The following BRINP3 variants were observed in gnomAD, a reference collection of about 807,000 sequenced individuals.
The protein encoded by BRINP3 is BMP/retinoic acid inducible neural specific 3, also known as BMP/retinoic acid-inducible neural-specific protein 3.
A neutral mutation model predicts 71.0 loss-of-function variants in BRINP3; 19 were observed. The ratio of observed to expected loss-of-function variants is 0.27; its 90% CI spans 0.19 to 0.39. The LOEUF (loss-of-function observed/expected upper bound fraction) is 0.39, where lower values mean the gene tolerates loss of function less well. Ranked by LOEUF, BRINP3 falls within the 10% of genes least tolerant of loss-of-function variation. The probability of loss-of-function intolerance (pLI) is 1.00; values close to 1 mark genes in which losing one functional copy is unlikely to be tolerated. For missense variants in BRINP3, 959 were observed against 940.8 expected (o/e 1.02, Z -0.25); for synonymous variants, 380 against 337.7 (o/e 1.13, Z -1.37).
chr1:190,440,711 GT>G (rs1460455772), intron 2 of BRINP3, among the ~76,000 whole-genome samples: 4 of 151,958 alleles, frequency 2.6e-5, no homozygotes, highest in Non-Finnish European at 5.9e-5. Flanking sequence ...ATCCAACTAT[GT>G]GTTGTCTTCG....
At chr1:190,233,363 T>C (rs1257836713) in intron 5 of BRINP3, among the ~76,000 whole-genome samples, 1 of 151,954 alleles carries the variant, frequency 6.6e-6, no homozygotes, top group Admixed American at 6.6e-5. Context: ...CAGATAATAT[T>C]GTTTTTTAGG....
intron 2 of BRINP3, among the ~76,000 whole-genome samples, chr1:190,380,971 T>C (rs1235284825): frequency 6.6e-6 from 1 of 152,070 alleles, no homozygotes; most frequent in African/African-American, 2.4e-5. Flanking sequence ...GAAGTCCAGT[T>C]ATGCATATTT....
At chr1:190,218,262 C>T (rs992234862) in intron 6 of BRINP3, among the ~76,000 whole-genome samples, 8 of 151,826 alleles carry the variant, frequency 5.3e-5, no homozygotes, top group Admixed American at 3.9e-4. Flanking sequence ...GTAAGCTTTG[C>T]TTGTTTTATA....
At chr1:190,444,835 A>G (rs1248783932) in intron 2 of BRINP3, among the ~76,000 whole-genome samples, 1 of 152,104 alleles carries the variant, frequency 6.6e-6, no homozygotes, top group Admixed American at 6.5e-5. Flanking sequence ...GCGCCTGGCC[A>G]AAAATAGTAG....
rs190986215 is a variant in BRINP3 at position 190,288,861 on chromosome 1, T to C, written c.237-7111A>G. Among the ~76,000 whole-genome samples the C allele has an allele frequency of 2.6e-5, 4 of 152,052 alleles. No individual in the cohort carries two copies. In the East Asian group the frequency reaches 7.7e-4, roughly 29 times the overall value. On this transcript the variant is annotated intron_variant, in intron 2 of 7. Coordinates refer to ENST00000367462, the MANE Select transcript of BRINP3 (RefSeq NM_199051.3). ...CACCACACCAGTGTTGTTCCAGGTA[T>C]AGACTAATAAGTTTAATGCTCATAA...
At chr1:190,314,386 T>C (rs1478914435) in intron 2 of BRINP3, among the ~76,000 whole-genome samples, 4 of 152,114 alleles carry the variant, frequency 2.6e-5, no homozygotes, top group South Asian at 2.1e-4. Flanking sequence ...AGGGGAATTA[T>C]AGTTGCTAAT....
intron 2 of BRINP3, among the ~76,000 whole-genome samples, chr1:190,296,392 A>C (rs914086635): frequency 6.6e-6 from 1 of 152,098 alleles, no homozygotes; most frequent in Non-Finnish European, 1.5e-5. Flanking sequence ...AAAAACTCTC[A>C]ACATATTAGG....
chr1:190,151,902 T>G (rs1656426129), intron 7 of BRINP3, among the ~76,000 whole-genome samples: 1 of 152,152 alleles, frequency 6.6e-6, no homozygotes. Context: ...AAAGATGACG[T>G]GACACTGATC....
chr1:190,218,606 A>G (rs1656607254), intron 6 of BRINP3, among the ~76,000 whole-genome samples: 1 of 152,116 alleles, frequency 6.6e-6, no homozygotes, highest in Non-Finnish European at 1.5e-5. Flanking sequence ...TTAGAAATAT[A>G]TTCTGTTGGC....
chr1:190,205,343 C>T (rs1655404126), intron 6 of BRINP3, among the ~76,000 whole-genome samples: 1 of 151,776 alleles, frequency 6.6e-6, no homozygotes, highest in Admixed American at 6.6e-5. Flanking sequence ...TTGCCATGTT[C>T]AAATGAGAGT....
chr1:190,325,276 G>A (rs1448176772), intron 2 of BRINP3, among the ~76,000 whole-genome samples: 2 of 151,908 alleles, frequency 1.3e-5, no homozygotes, highest in African/African-American at 4.8e-5. Context: ...TAAATAATTT[G>A]TAGATTCAAG....
chr1:190,216,044 C>G (rs1656390402), intron 6 of BRINP3, among the ~76,000 whole-genome samples: 1 of 149,554 alleles, frequency 6.7e-6, no homozygotes, highest in Non-Finnish European at 1.5e-5. Flanking sequence ...GGGGATAACT[C>G]AGAAAGTTAT....
intron 2 of BRINP3, among the ~76,000 whole-genome samples, chr1:190,442,234 G>T (rs1000248982): frequency 6.6e-6 from 1 of 152,112 alleles, no homozygotes; most frequent in African/African-American, 2.4e-5. Context: ...AATACTTTAT[G>T]AATTTTAATG....
intron 4 of BRINP3, among the ~76,000 whole-genome samples, chr1:190,235,787 C>A (rs1658458437): frequency 6.6e-6 from 1 of 151,960 alleles, no homozygotes; most frequent in Admixed American, 6.6e-5. Context: ...AAAGTGAATA[C>A]CCCAAACTCT....
rs1189034067 is a variant in BRINP3 at position 190,285,724 on chromosome 1, G to GT, written c.237-3975dup. ...ATTGGAATCTAAGGGGTGAGGGTTT[G>GT]TTTTTTTTTTCCTTGTTTCCTGAAG... is the stretch of plus-strand genomic sequence containing the variant. On this transcript the variant is annotated intron_variant, in intron 2 of 7. Transcript: ENST00000367462. 1.5e-3 allele frequency among the ~76,000 whole-genome samples: 215 copies of GT among 147,368 alleles called. 1 individual carries two copies. In the Middle Eastern group the frequency reaches 0.018, roughly 12 times the overall value.
At chr1:190,412,318 A>C (rs1306564633) in intron 2 of BRINP3, among the ~76,000 whole-genome samples, 1 of 150,760 alleles carries the variant, frequency 6.6e-6, no homozygotes, top group African/African-American at 2.4e-5. Context: ...CTTGTGATGA[A>C]GGAAATTTAA....
At chr1:190,465,201 A>G (rs2102680470) in intron 1 of BRINP3, among the ~76,000 whole-genome samples, 1 of 152,144 alleles carries the variant, frequency 6.6e-6, no homozygotes, top group Non-Finnish European at 1.5e-5. Flanking sequence ...ATATCATTGT[A>G]AGATTCAGAT....
At chr1:190,297,105 T>TA (rs923735925) in intron 2 of BRINP3, among the ~76,000 whole-genome samples, 4 of 151,824 alleles carry the variant, frequency 2.6e-5, no homozygotes, top group East Asian at 1.9e-4. Flanking sequence ...GAAACAATAT[T>TA]AAAAAAACCC....
chr1:190,357,082 T>G (rs1436626524), intron 2 of BRINP3, among the ~76,000 whole-genome samples: 1 of 151,962 alleles, frequency 6.6e-6, no homozygotes, highest in Admixed American at 6.6e-5. Context: ...TTCTTCCTCC[T>G]TTTTAAACCC....
Sources: allele counts gnomAD v4.1 joint callset (sites outside exome capture counted in the v4.1 genomes callset), GRCh38; gene constraint gnomAD v4.1.1; transcripts MANE v1.5; gene names NCBI Gene and HGNC (gene_info 2026-07-23, HGNC 2026-07-21).